The following PCBP3 variants were observed in gnomAD, a reference collection of about 807,000 sequenced individuals.
The protein encoded by PCBP3 is poly(rC)-binding protein 3.
PCBP3 carries 25 observed loss-of-function variants against 52.7 expected under a neutral mutation model. The observed-to-expected ratio is 0.47, with a 90% confidence interval of 0.35 to 0.66. The LOEUF (loss-of-function observed/expected upper bound fraction) is 0.66. Among genes scored for constraint, PCBP3 ranks in the 30% least tolerant of loss-of-function variants. The probability of loss-of-function intolerance (pLI) is 0.01; values close to 1 mark genes in which losing one functional copy is unlikely to be tolerated. For synonymous variants in PCBP3, 162 were observed against 183.0 expected (o/e 0.89, Z 0.93); for missense variants, 391 against 490.3 (o/e 0.80, Z 1.91).
intron 1 of PCBP3, among the ~76,000 whole-genome samples, chr21:45,657,750 A>T (rs1040355400): frequency 7.9e-5 from 12 of 151,850 alleles, no homozygotes; most frequent in African/African-American, 2.9e-4. Context: ...TTGTCAGGTT[A>T]ACAATATTAA....
intron 5 of PCBP3, among the ~76,000 whole-genome samples, chr21:45,881,654 G>C (rs1418849284): frequency 6.6e-6 from 1 of 152,112 alleles, no homozygotes; most frequent in African/African-American, 2.4e-5. Context: ...CCACACAGCA[G>C]CTCCCCAGCC....
At chr21:45,744,520 T>C (rs2086684848) in intron 3 of PCBP3, among the ~76,000 whole-genome samples, 1 of 152,196 alleles carries the variant, frequency 6.6e-6, no homozygotes, top group Non-Finnish European at 1.5e-5. Flanking sequence ...ATTTTATCTG[T>C]TACTGTGTTC....
At chr21:45,807,033 T>G (rs998656998) in intron 4 of PCBP3, among the ~76,000 whole-genome samples, 1 of 152,198 alleles carries the variant, frequency 6.6e-6, no homozygotes, top group Non-Finnish European at 1.5e-5. Flanking sequence ...AAGTCAGCTT[T>G]AAAACAAAAC....
intron 13 of PCBP3, chr21:45,918,074 T>TTTTTTTA: frequency 3.8e-6 from 1 of 265,926 alleles, no homozygotes; most frequent in South Asian, 4.3e-5. Context: ...ACTCCCCCTT[T>TTTTTTTA]CAGAGTCCAC....
chr21:45,801,072 C>T, intron 4 of PCBP3, among the ~76,000 whole-genome samples: 1 of 152,230 alleles, frequency 6.6e-6, no homozygotes, highest in Non-Finnish European at 1.5e-5. Flanking sequence ...TGGCACCAGC[C>T]ATCATTCTAT....
At chr21:45,798,065 G>T (rs1016783620) in intron 4 of PCBP3, among the ~76,000 whole-genome samples, 3 of 141,560 alleles carry the variant, frequency 2.1e-5, no homozygotes, top group East Asian at 4.3e-4. Context: ...GTGAATGGAT[G>T]TGCATGTGGA....
intron 5 of PCBP3, among the ~76,000 whole-genome samples, chr21:45,852,154 T>C (rs1247724358): frequency 6.6e-6 from 1 of 152,278 alleles, no homozygotes; most frequent in Non-Finnish European, 1.5e-5. Flanking sequence ...CTAATTTCCC[T>C]GGTTTGATCA....
chr21:45,864,281 C>T (rs1400445213), intron 5 of PCBP3, among the ~76,000 whole-genome samples: 6 of 152,120 alleles, frequency 3.9e-5, no homozygotes, highest in African/African-American at 1.2e-4. Context: ...TACTGAAGTC[C>T]AACATCCGAG....
chr21:45,786,205 A>T (rs1481176422), intron 4 of PCBP3, among the ~76,000 whole-genome samples: 3 of 151,932 alleles, frequency 2.0e-5, no homozygotes, highest in Non-Finnish European at 4.4e-5. Flanking sequence ...TTTCAAAAAA[A>T]AAAAATAGTG....
intron 16 of PCBP3, among the ~76,000 whole-genome samples, chr21:45,939,106 C>T (rs925972261): frequency 2.0e-5 from 3 of 152,244 alleles, no homozygotes; most frequent in South Asian, 2.1e-4. Context: ...TCAGGGCCCT[C>T]GGGGACCCAT....
intron 15 of PCBP3, among the ~76,000 whole-genome samples, chr21:45,932,008 C>G (rs1392946989): frequency 6.6e-6 from 1 of 151,900 alleles, no homozygotes; most frequent in Non-Finnish European, 1.5e-5. Context: ...GATGAATGAA[C>G]ATGTCGGCCG....
Position 45,880,168 on chromosome 21 carries a change from C to T in PCBP3, c.11-16040C>T, listed in dbSNP as rs978985915. On this transcript the variant is annotated intron_variant, in intron 5 of 17. Coordinates refer to ENST00000681687, the MANE Select transcript of PCBP3 (RefSeq NM_001384156.1). This position sits in a 1 kb window ranked among gnomAD's most constrained non-coding sequence, Gnocchi z 5.4. The stretch of plus-strand genomic sequence containing the variant: ...CCTGTCGTGAGTGGTTTTCCTCTGG[C>T]CTCTTCTGGGAGCTGGTGGATTTGC... Among the ~76,000 whole-genome samples, 1 of 152,206 alleles carries T rather than the reference C, an allele frequency of 6.6e-6. No individual in the cohort carries two copies. Among genetic ancestry groups the T allele is most frequent in the African/African-American group, 2.4e-5 (1 of 41,452 alleles).
intron 4 of PCBP3, among the ~76,000 whole-genome samples, chr21:45,773,135 G>A (rs568910711): frequency 2.6e-5 from 4 of 152,240 alleles, no homozygotes; most frequent in African/African-American, 9.6e-5. Context: ...TGCGGTCTTA[G>A]TCATAAATTC....
chr21:45,867,841 G>A (rs2094808815), intron 5 of PCBP3, among the ~76,000 whole-genome samples: 1 of 152,292 alleles, frequency 6.6e-6, no homozygotes, highest in South Asian at 2.1e-4. Flanking sequence ...GGGGCCAGCC[G>A]GGACCAGGCT....
At chr21:45,801,982 C>T (rs923872253) in intron 4 of PCBP3, among the ~76,000 whole-genome samples, 5 of 152,170 alleles carry the variant, frequency 3.3e-5, no homozygotes, top group African/African-American at 4.8e-5. Flanking sequence ...AGTGGAGCCG[C>T]TCGGTTGTCC....
chr21:45,902,566 C>T (rs983522184), intron 9 of PCBP3, among the ~76,000 whole-genome samples: 1 of 152,230 alleles, frequency 6.6e-6, no homozygotes, highest in Admixed American at 6.5e-5. Context: ...TGATGGAATA[C>T]AGCAGACCAG....
chr21:45,825,447 C>T (rs569861376), intron 4 of PCBP3, among the ~76,000 whole-genome samples: 5 of 152,170 alleles, frequency 3.3e-5, no homozygotes, highest in African/African-American at 1.2e-4. Flanking sequence ...CTGTGTGACC[C>T]GTGTCCTGCC....
chr21:45,882,973 T>G (rs1335010988), intron 5 of PCBP3, among the ~76,000 whole-genome samples: 1 of 152,256 alleles, frequency 6.6e-6, no homozygotes, highest in African/African-American at 2.4e-5. Context: ...ATTAGATTCT[T>G]AAAATGAGTG....
chr21:45,723,750 G>T (rs756522096), intron 2 of PCBP3, among the ~76,000 whole-genome samples: 1 of 152,220 alleles, frequency 6.6e-6, no homozygotes, highest in African/African-American at 2.4e-5. Context: ...TGCCAGGCCC[G>T]GGGTCGAGCT....
Sources: allele counts gnomAD v4.1 joint callset (sites outside exome capture counted in the v4.1 genomes callset), GRCh38; gene constraint gnomAD v4.1.1; non-coding constraint Gnocchi (gnomAD v3.1); transcripts MANE v1.5; gene names NCBI Gene and HGNC (gene_info 2026-07-23, HGNC 2026-07-21).